TENM3: variants seen among roughly 807,000 people sequenced by gnomAD.
The protein encoded by TENM3 is teneurin transmembrane protein 3, also known as teneurin-3.
Under a neutral mutation model 255.1 loss-of-function variants are expected in TENM3, and 63 were observed. The observed-to-expected ratio is 0.25, with a 90% CI of 0.20 to 0.30. TENM3 has a LOEUF of 0.30. TENM3 is among the 10% of genes least tolerant of loss of function. The pLI is 1.00. For missense variants in TENM3, 2,929 were observed against 3,461.1 expected (o/e 0.85, Z 3.86); for synonymous variants, 1,306 against 1,322.3 (o/e 0.99, Z 0.27).
At chr4:181,562,626 C>T in the TENM3 span, among the ~76,000 whole-genome samples, 91 of 152,082 alleles carry the variant, frequency 6.0e-4, 3 homozygotes, top group South Asian at 0.018. Context: ...TAGCCACTTT[C>T]CAGCCTGTGA....
intron 6 of TENM3, 98 bp downstream of exon 6, chr4:182,653,991 G>T (rs1000514562): frequency 8.5e-7 from 1 of 1,173,892 alleles, no homozygotes; most frequent in Non-Finnish European, 1.1e-6. Flanking sequence ...GATGGAACAG[G>T]GAAAAGTGTT....
At chr4:182,036,183 G>C in the TENM3 span, among the ~76,000 whole-genome samples, 1 of 152,062 alleles carries the variant, frequency 6.6e-6, no homozygotes, top group Non-Finnish European at 1.5e-5. Context: ...AACTGCATCT[G>C]TGTGTGATAA....
At chr4:182,113,977 T>C in the TENM3 span, among the ~76,000 whole-genome samples, 3 of 152,192 alleles carry the variant, frequency 2.0e-5, no homozygotes, top group Non-Finnish European at 4.4e-5. Context: ...AATGTTGGTC[T>C]TGGAAAATAC....
chr4:181,529,623 C>T, the TENM3 span, among the ~76,000 whole-genome samples: 5 of 152,130 alleles, frequency 3.3e-5, no homozygotes, highest in African/African-American at 9.7e-5. Context: ...TAAATAGGTG[C>T]TGTTAATGAG....
the TENM3 span, among the ~76,000 whole-genome samples, chr4:182,111,177 A>G: frequency 5.5e-5 from 8 of 145,932 alleles, no homozygotes; most frequent in Admixed American, 1.4e-4. Context: ...CCGGATATAC[A>G]AGTCTTCTTC....
the TENM3 span, among the ~76,000 whole-genome samples, chr4:181,984,012 A>G: frequency 0.012 from 1,882 of 152,164 alleles, 36 homozygotes; most frequent in African/African-American, 0.042. Flanking sequence ...TTTAAGTGCA[A>G]TTCTGCCCTC....
At chr4:181,792,682 C>A in the TENM3 span, among the ~76,000 whole-genome samples, 1 of 152,236 alleles carries the variant, frequency 6.6e-6, no homozygotes, top group Admixed American at 6.5e-5. Context: ...AGACATTTTG[C>A]CATTTCTAAT....
intron 1 of TENM3, among the ~76,000 whole-genome samples, chr4:182,315,535 T>C (rs1018857482): frequency 3.9e-5 from 6 of 152,314 alleles, no homozygotes; most frequent in African/African-American, 1.4e-4. Context: ...ATCACTGGTT[T>C]TGAGCAGTTA....
At chr4:181,769,307 G>T in the TENM3 span, among the ~76,000 whole-genome samples, 32 of 152,262 alleles carry the variant, frequency 2.1e-4, no homozygotes, top group African/African-American at 7.2e-4. Flanking sequence ...TTCAGCTTCC[G>T]CATGCAAAGG....
chr4:182,594,938 G>A lies in TENM3; in HGVS notation c.512-5986G>A, dbSNP rs138194203. Among the ~76,000 whole-genome samples the A allele has an allele frequency of 2.6e-3, 396 of 152,072 alleles. 1 individual carries two copies. Among genetic ancestry groups the A allele is most frequent in the African/African-American group, 8.8e-3 (364 of 41,500 alleles). ...TCACCATGTTGGCCAGGCTGGTCTC[G>A]AACTCCTGACCTCATGATCTGCCCA... is the stretch of plus-strand genomic sequence containing the variant. On this transcript the variant is annotated intron_variant, in intron 3 of 27. Coordinates refer to ENST00000511685, the MANE Select transcript of TENM3 (RefSeq NM_001080477.4).
At chr4:182,636,059 C>T (rs1389064434) in intron 5 of TENM3, among the ~76,000 whole-genome samples, 1 of 152,174 alleles carries the variant, frequency 6.6e-6, no homozygotes, top group African/African-American at 2.4e-5. Context: ...TAGAACACAG[C>T]CAAGCAATGA....
chr4:181,523,494 A>G, the TENM3 span, among the ~76,000 whole-genome samples: 1 of 152,164 alleles, frequency 6.6e-6, no homozygotes. Context: ...GGGACAGTGA[A>G]AGGACTAGAA....
chr4:181,784,709 T>A, the TENM3 span, among the ~76,000 whole-genome samples: 1 of 152,184 alleles, frequency 6.6e-6, no homozygotes, highest in African/African-American at 2.4e-5. Flanking sequence ...CCATTTCTCA[T>A]GAGGACTATA....
At position 182,324,190 on chromosome 4, in the gene TENM3, T is replaced by C. The variant is rs765338802; in HGVS notation, c.170T>C (p.Leu57Pro). 2.4e-5 allele frequency: 38 copies of C among 1,613,912 alleles called. No individual in the cohort carries two copies. The highest frequency in any genetic ancestry group is 3.0e-5 in the Non-Finnish European group (35 of 1,179,900). ...GCTTTTGATCATGATTCCTCGCGGC[T>C]GCTTTACGGCAACAGAGTGAAGGAT... is the stretch of plus-strand genomic sequence containing the variant. The part of the protein sequence containing the change: ...LKAFDHDSSR[L>P]LYGNRVKDLV... Residue 57 changes from leucine (L) to proline (P), a missense_variant, in exon 2 of 28, where the codon CTG becomes CCG. By Grantham distance (98) the Leu-to-Pro change is moderately conservative. Coordinates refer to ENST00000511685, the MANE Select transcript of TENM3 (RefSeq NM_001080477.4).
the TENM3 span, among the ~76,000 whole-genome samples, chr4:181,515,644 G>A: frequency 2.0e-5 from 3 of 152,056 alleles, no homozygotes; most frequent in Admixed American, 6.6e-5. Context: ...GATGACTCCA[G>A]TTCACTCTTT....
chr4:182,037,052 A>G, the TENM3 span, among the ~76,000 whole-genome samples: 1 of 152,148 alleles, frequency 6.6e-6, no homozygotes, highest in African/African-American at 2.4e-5. Context: ...AACAGGATGG[A>G]AAAAAATAAA....
chr4:181,600,889 G>A, the TENM3 span, among the ~76,000 whole-genome samples: 1 of 152,032 alleles, frequency 6.6e-6, no homozygotes, highest in Non-Finnish European at 1.5e-5. Context: ...GGGTTCAGGT[G>A]GGTCTGCTCT....
chr4:181,805,597 T>TTGTATG, the TENM3 span, among the ~76,000 whole-genome samples: 4 of 150,440 alleles, frequency 2.7e-5, no homozygotes, highest in Non-Finnish European at 4.4e-5. Context: ...GTGTGCACTT[T>TTGTATG]TGTGTGTGTG....
At chr4:181,524,293 G>T in the TENM3 span, among the ~76,000 whole-genome samples, 1 of 152,138 alleles carries the variant, frequency 6.6e-6, no homozygotes, top group African/African-American at 2.4e-5. Context: ...TAAGTTGGTT[G>T]CTTATTTCCT....
Sources: allele counts gnomAD v4.1 joint callset (sites outside exome capture counted in the v4.1 genomes callset), GRCh38; gene constraint gnomAD v4.1.1; transcripts MANE v1.5; gene names NCBI Gene and HGNC (gene_info 2026-07-23, HGNC 2026-07-21).